ZNF385D: variants seen among roughly 807,000 people sequenced by gnomAD.
ZNF385D encodes the protein zinc finger protein 659.
In ZNF385D, 15 loss-of-function variants were observed where a neutral mutation model predicts 35.8. The ratio of observed to expected loss-of-function variants is 0.42; its 90% CI spans 0.28 to 0.64. ZNF385D has a LOEUF of 0.64. Ranked by LOEUF, ZNF385D falls within the 30% of genes least tolerant of loss-of-function variation. The pLI, the probability that ZNF385D is intolerant of heterozygous loss-of-function variation, is 0.23. For missense variants in ZNF385D, 474 were observed against 494.6 expected (o/e 0.96, Z 0.39); for synonymous variants, 212 against 186.8 (o/e 1.13, Z -1.10).
chr3:21,642,401 C>T (rs184031287), intron 2 of ZNF385D, among the ~76,000 whole-genome samples: 137 of 152,078 alleles, frequency 9.0e-4, no homozygotes, highest in African/African-American at 3.2e-3. Flanking sequence ...CGAGTATCAC[C>T]CCAGTTAAAC....
intron 2 of ZNF385D, among the ~76,000 whole-genome samples, chr3:22,276,317 G>A (rs1701424652): frequency 6.6e-6 from 1 of 151,946 alleles, no homozygotes; most frequent in Non-Finnish European, 1.5e-5. Flanking sequence ...AATTTCCACT[G>A]TACATTATAA....
At chr3:22,139,909 A>G (rs1704396322) in intron 3 of ZNF385D, among the ~76,000 whole-genome samples, 1 of 152,178 alleles carries the variant, frequency 6.6e-6, no homozygotes, top group Non-Finnish European at 1.5e-5. Flanking sequence ...ATATATCTAC[A>G]CTCCCATTAA....
At chr3:22,304,235 G>A (rs1703080380) in intron 2 of ZNF385D, among the ~76,000 whole-genome samples, 1 of 152,110 alleles carries the variant, frequency 6.6e-6, no homozygotes, top group South Asian at 2.1e-4. Context: ...AATTAGGTAT[G>A]ATATTTTAAT....
chr3:21,688,506 A>G (rs1011029184), intron 1 of ZNF385D, among the ~76,000 whole-genome samples: 2 of 152,208 alleles, frequency 1.3e-5, no homozygotes, highest in Non-Finnish European at 2.9e-5. Flanking sequence ...TTCATTAATT[A>G]TCTTTATTTA....
At chr3:22,131,327 C>A (rs1703770628) in intron 3 of ZNF385D, among the ~76,000 whole-genome samples, 1 of 151,452 alleles carries the variant, frequency 6.6e-6, no homozygotes, top group Non-Finnish European at 1.5e-5. Flanking sequence ...AGAAGAGTTT[C>A]AGTGAACAGG....
chr3:21,604,366 C>A (rs372480833), intron 2 of ZNF385D, among the ~76,000 whole-genome samples: 4 of 152,068 alleles, frequency 2.6e-5, no homozygotes, highest in African/African-American at 7.2e-5. Context: ...TTTGGATTAA[C>A]AAGGCGCTGA....
intron 2 of ZNF385D, among the ~76,000 whole-genome samples, chr3:22,306,869 C>T (rs1301138206): frequency 1.3e-5 from 2 of 152,108 alleles, no homozygotes; most frequent in African/African-American, 2.4e-5. Flanking sequence ...AGAAGAACTA[C>T]CCCTGTACTC....
intron 2 of ZNF385D, among the ~76,000 whole-genome samples, chr3:22,245,702 G>T (rs1699740022): frequency 6.9e-6 from 1 of 145,248 alleles, no homozygotes; most frequent in African/African-American, 2.5e-5. Context: ...CTGTGAAGAG[G>T]AAAGTGGTTC....
At chr3:22,102,568 G>A (rs1461747698) in intron 3 of ZNF385D, among the ~76,000 whole-genome samples, 1 of 152,036 alleles carries the variant, frequency 6.6e-6, no homozygotes, top group Non-Finnish European at 1.5e-5. Context: ...AGGAAGATTA[G>A]CAACTTCTTT....
chr3:21,927,892 G>A lies in ZNF385D; in HGVS notation c.325+240925C>T, dbSNP rs115634303. 3.5e-3 allele frequency among the ~76,000 whole-genome samples: 535 copies of A among 152,216 alleles called. 4 individuals are homozygous for A. The highest frequency in any genetic ancestry group is 0.012 in the African/African-American group (514 of 41,538). On this transcript the variant is annotated intron_variant, in intron 3 of 5. Coordinates refer to the ZNF385D transcript ENST00000494108. ...CATCAATATACCACTCTCGATAACA[G>A]CACAACTAGACAGAAAATCAGTAAG... is the stretch of plus-strand genomic sequence containing the variant.
intron 2 of ZNF385D, among the ~76,000 whole-genome samples, chr3:22,243,128 G>T (rs746250107): frequency 4.6e-5 from 7 of 150,840 alleles, no homozygotes; most frequent in Non-Finnish European, 8.8e-5. Context: ...AATCATATAT[G>T]TGGTAAGGGT....
intron 3 of ZNF385D, among the ~76,000 whole-genome samples, chr3:22,109,532 G>A (rs1702399711): frequency 1.3e-5 from 2 of 152,170 alleles, no homozygotes; most frequent in Admixed American, 1.3e-4. Context: ...TTGCCAGATA[G>A]ATGGGGCTGA....
At chr3:22,077,757 G>C (rs1700538726) in intron 3 of ZNF385D, among the ~76,000 whole-genome samples, 1 of 151,960 alleles carries the variant, frequency 6.6e-6, no homozygotes, top group South Asian at 2.1e-4. Flanking sequence ...CTTAGAAGCT[G>C]TTTCTAACAA....
intron 3 of ZNF385D, among the ~76,000 whole-genome samples, chr3:21,868,760 A>C (rs1684509): frequency 6.6e-6 from 1 of 152,060 alleles, no homozygotes; most frequent in Non-Finnish European, 1.5e-5. Context: ...CATCTAAATA[A>C]GTTAGAAGAT....
chr3:22,088,266 A>T (rs1347841622), intron 3 of ZNF385D, among the ~76,000 whole-genome samples: 1 of 152,206 alleles, frequency 6.6e-6, no homozygotes, highest in East Asian at 1.9e-4. Flanking sequence ...ATCTGGAAGA[A>T]TAAAAACAAA....
intron 2 of ZNF385D, among the ~76,000 whole-genome samples, chr3:22,259,442 GTTCT>G (rs1468315921): frequency 1.3e-5 from 2 of 151,796 alleles, no homozygotes; most frequent in Non-Finnish European, 2.9e-5. Context: ...TCTGTCAGTT[GTTCT>G]TTCAAGTAGA....
At chr3:22,066,145 AT>A (rs199684825) in intron 3 of ZNF385D, among the ~76,000 whole-genome samples, 6 of 151,958 alleles carry the variant, frequency 3.9e-5, no homozygotes, top group African/African-American at 4.8e-5. Context: ...AAAAAATACC[AT>A]TTTTTTTCTG....
At chr3:22,131,972 A>T (rs1448761673) in intron 3 of ZNF385D, among the ~76,000 whole-genome samples, 1 of 152,194 alleles carries the variant, frequency 6.6e-6, no homozygotes. Context: ...AAACATATTA[A>T]GTATGTTCAC....
intron 4 of ZNF385D, among the ~76,000 whole-genome samples, chr3:21,447,882 T>C (rs1159755088): frequency 6.6e-6 from 1 of 152,176 alleles, no homozygotes; most frequent in Non-Finnish European, 1.5e-5. Context: ...AGTTTTTTTG[T>C]ACTGTAGAGC....
Sources: allele counts gnomAD v4.1 joint callset (sites outside exome capture counted in the v4.1 genomes callset), GRCh38; gene constraint gnomAD v4.1.1; transcripts MANE v1.5; gene names NCBI Gene and HGNC (gene_info 2026-07-23, HGNC 2026-07-21).